The following NPL variants were observed in gnomAD, a reference collection of about 807,000 sequenced individuals.
NPL encodes N-acetylneuraminate pyruvate lyase.
A neutral mutation model predicts 41.1 loss-of-function variants in NPL; 32 were observed. The observed-to-expected ratio is 0.78, with a 90% CI of 0.59 to 1.05. The LOEUF (loss-of-function observed/expected upper bound fraction) is 1.05, where lower values mean the gene tolerates loss of function less well. Among genes scored for constraint, NPL ranks in the 50% least tolerant of loss-of-function variants. NPL has a pLI of 0.00. For missense variants in NPL, 321 were observed against 378.4 expected, an observed-to-expected ratio of 0.85 and a Z score of 1.26; for synonymous variants, 128 against 134.9, an observed-to-expected ratio of 0.95 and a Z score of 0.35.
At chr1:182,814,657 T>G (rs982659726) in intron 6 of NPL, 126 bp from the exon 7 acceptor site, 39 of 806,016 alleles carry the variant, frequency 4.8e-5, no homozygotes, top group East Asian at 1.8e-4. Context: ...TTTGGTTAAT[T>G]TTCCCACTTT....
chr1:182,827,620 A>AT (rs980260380), intron 12 of NPL, among the ~76,000 whole-genome samples: 14 of 151,722 alleles, frequency 9.2e-5, no homozygotes, highest in African/African-American at 2.9e-4. Context: ...AAATATATAT[A>AT]TTTTTTTCAG....
rs770726429 is a variant in NPL, at chr1:182,828,682, G to C, written c.779-42G>C. The C allele has an allele frequency of 1.2e-6, 2 of 1,613,574 alleles. No homozygotes were observed. Among genetic ancestry groups the C allele is most frequent in the African/African-American group, 1.3e-5 (1 of 74,922 alleles). ...TCTTTGGGATTTTTGTGGAGAGATA[G>C]ACGGTACCAGTCATGTTTCCTCATT... On this transcript the variant is annotated intron_variant, in intron 12 of 12. Coordinates refer to ENST00000367553, the MANE Select transcript of NPL (RefSeq NM_030769.3). This position sits in a 1 kb window ranked among gnomAD's most constrained non-coding sequence, Gnocchi z 4.0.
In NPL at chr1:182,809,143, C is replaced by G; in HGVS notation, c.230+2911C>G. ...TTGGGTTTTAAAGACATAACCCTGT[C>G]ATAAGTCAGGGAGTGTAATGATGCT... On this transcript the variant is annotated intron_variant, in intron 5 of 12. Transcript: ENST00000367553. 3 of 387,600 alleles carry G rather than the reference C, an allele frequency of 7.7e-6. 1 individual carries two copies. Among genetic ancestry groups the G allele is most frequent in the Non-Finnish European group, 1.5e-5 (3 of 197,200 alleles). The allele number at this position is 387,600 out of a possible 1,614,324, so 24.0% of individuals were successfully genotyped here. A position where few individuals can be genotyped will look rare whatever the true frequency, so the allele number is the denominator to read the frequency against.
At chr1:182,806,805 A>G (rs1443283402) in intron 5 of NPL, among the ~76,000 whole-genome samples, 2 of 152,144 alleles carry the variant, frequency 1.3e-5, no homozygotes, top group Non-Finnish European at 2.9e-5. Flanking sequence ...TATCAGTTCC[A>G]TAGCACTTCC....
At chr1:182,791,612 T>G (rs999658287) in intron 1 of NPL, among the ~76,000 whole-genome samples, 1 of 152,212 alleles carries the variant, frequency 6.6e-6, no homozygotes, top group Non-Finnish European at 1.5e-5. Context: ...TTGTTTTGAA[T>G]TTTTGAACTA....
At chr1:182,807,759 C>T (rs746945257) in intron 5 of NPL, among the ~76,000 whole-genome samples, 9 of 148,492 alleles carry the variant, frequency 6.1e-5, no homozygotes, top group South Asian at 4.3e-4. Context: ...GGCATGGTGG[C>T]GGGCTCCTGT....
At chr1:182,819,763 A>G (rs1408673878) in intron 10 of NPL, among the ~76,000 whole-genome samples, 1 of 152,244 alleles carries the variant, frequency 6.6e-6, no homozygotes, top group Non-Finnish European at 1.5e-5. Context: ...GACTCTGGTG[A>G]CCAGTGTCTC....
intron 5 of NPL, among the ~76,000 whole-genome samples, chr1:182,809,612 A>G (rs1333654720): frequency 1.3e-5 from 2 of 151,442 alleles, no homozygotes; most frequent in Non-Finnish European, 1.5e-5. Context: ...ACAGGTGGAG[A>G]GAAGGAAGGA....
intron 5 of NPL, 95 bp from the exon 6 acceptor site, chr1:182,812,061 C>T: frequency 8.8e-7 from 1 of 1,133,858 alleles, no homozygotes; most frequent in Non-Finnish European, 1.3e-6. Flanking sequence ...AATAAGGCAT[C>T]AGTTAACTGC....
chr1:182,799,740 A>G (rs1200646359), intron 3 of NPL, among the ~76,000 whole-genome samples: 2 of 151,268 alleles, frequency 1.3e-5, no homozygotes, highest in African/African-American at 4.8e-5. Context: ...TCCAAAAAAA[A>G]AAAAAAAAAA....
At chr1:182,790,269 A>G (rs1246264047) in intron 1 of NPL, among the ~76,000 whole-genome samples, 4 of 152,152 alleles carry the variant, frequency 2.6e-5, no homozygotes, top group African/African-American at 9.7e-5. Context: ...CTGTCTCTTA[A>G]AAAAACAACT....
In NPL at chr1:182,828,948, A is replaced by G. The variant is rs748171140; in HGVS notation, c.*40A>G. On this transcript the variant is annotated 3_prime_UTR_variant, in exon 13 of 13. Coordinates refer to ENST00000367553, the MANE Select transcript of NPL (RefSeq NM_030769.3). This position sits in a 1 kb window ranked among gnomAD's most constrained non-coding sequence, Gnocchi z 4.0. The stretch of plus-strand genomic sequence containing the variant: ...ATCAGGGTTTGCACCTTGAGACATA[A>G]TCTACCTTAAATAGTGCATTTTTTT... 1.2e-6 allele frequency: 2 copies of G among 1,612,746 alleles called. No individual in the cohort carries two copies. Among genetic ancestry groups the G allele is most frequent in the Non-Finnish European group, 1.7e-6 (2 of 1,180,000 alleles).
chr1:182,798,233 CTTTTTTTTTT>C (rs58974453), intron 3 of NPL, among the ~76,000 whole-genome samples: 2 of 130,034 alleles, frequency 1.5e-5, no homozygotes, highest in African/African-American at 5.9e-5. Context: ...GAAAGACTTG[CTTTTTTTTTT>C]TTTTTTTTTG....
At chr1:182,823,877 A>G (rs1227918968) in intron 11 of NPL, among the ~76,000 whole-genome samples, 1 of 152,224 alleles carries the variant, frequency 6.6e-6, no homozygotes, top group Non-Finnish European at 1.5e-5. Flanking sequence ...CAAATAAATC[A>G]TCCCATTGAA....
intron 8 of NPL, among the ~76,000 whole-genome samples, chr1:182,817,213 T>C (rs1250383451): frequency 1.3e-5 from 2 of 152,222 alleles, no homozygotes; most frequent in African/African-American, 4.8e-5. Context: ...CTCTTCTAGC[T>C]TTTCTTTTAT....
At chr1:182,801,797 A>G (rs1417477166) in intron 3 of NPL, among the ~76,000 whole-genome samples, 1 of 152,084 alleles carries the variant, frequency 6.6e-6, no homozygotes, top group African/African-American at 2.4e-5. Context: ...CGATTACACC[A>G]CTGCACTCCA....
intron 11 of NPL, among the ~76,000 whole-genome samples, chr1:182,824,600 A>G (rs1041597620): frequency 6.6e-6 from 1 of 152,152 alleles, no homozygotes; most frequent in Non-Finnish European, 1.5e-5. Flanking sequence ...GATTGAGACC[A>G]TCATGGCTAA....
chr1:182,811,316 C>T (rs1390913640), intron 5 of NPL, among the ~76,000 whole-genome samples: 2 of 152,072 alleles, frequency 1.3e-5, no homozygotes, highest in African/African-American at 2.4e-5. Context: ...GCAGCTTCCA[C>T]CTCCTGGGTT....
At chr1:182,793,259 C>T (rs1043332874) in intron 2 of NPL, among the ~76,000 whole-genome samples, 4 of 152,256 alleles carry the variant, frequency 2.6e-5, no homozygotes, top group Admixed American at 1.3e-4. Context: ...AGGTGGTCTG[C>T]CTATGGAACT....
Sources: gnomAD v4.1 joint callset for allele counts (sites outside exome capture counted in the v4.1 genomes callset) on GRCh38, gnomAD v4.1.1 for gene constraint, Gnocchi (gnomAD v3.1) non-coding constraint, MANE v1.5 for transcripts, NCBI Gene and HGNC (gene_info 2026-07-23, HGNC 2026-07-21) for gene names.